MSI2: variants seen among roughly 807,000 people sequenced by gnomAD.
The protein encoded by MSI2 is musashi RNA binding protein 2.
MSI2 carries 17 observed loss-of-function variants against 45.6 expected under a neutral mutation model. That is an observed-to-expected ratio of 0.37 (90% CI 0.26 to 0.56). The LOEUF (loss-of-function observed/expected upper bound fraction) is 0.56, where lower values mean the gene tolerates loss of function less well. MSI2 is among the 20% of genes least tolerant of loss of function. MSI2 has a pLI of 0.77. For synonymous variants in MSI2, 156 were observed against 158.2 expected (o/e 0.99, Z 0.11); for missense variants, 293 against 444.2 (o/e 0.66, Z 3.06).
chr17:57,581,004 C>T (rs1246376912), intron 7 of MSI2, among the ~76,000 whole-genome samples: 90 of 66,486 alleles, frequency 1.4e-3, no homozygotes, highest in South Asian at 2.8e-3. Context: ...AGGTCAGCAT[C>T]TTTTTTTTTT....
intron 6 of MSI2, among the ~76,000 whole-genome samples, chr17:57,441,044 G>A (rs924886596): frequency 2.6e-5 from 4 of 152,160 alleles, no homozygotes; most frequent in Non-Finnish European, 5.9e-5. Context: ...GGACCTGGTC[G>A]TGCTGGAGAC....
chr17:57,605,531 A>G (rs1431779935), intron 8 of MSI2, among the ~76,000 whole-genome samples: 2 of 152,162 alleles, frequency 1.3e-5, no homozygotes, highest in Non-Finnish European at 2.9e-5. Flanking sequence ...CCCAGGGCGC[A>G]GGGTCATGAG....
chr17:57,408,421 G>A (rs1280862158), intron 6 of MSI2, among the ~76,000 whole-genome samples: 1 of 152,250 alleles, frequency 6.6e-6, no homozygotes, highest in African/African-American at 2.4e-5. Context: ...TTGCATAGTA[G>A]GTAGAGGAAC....
rs1484707162 is a variant in MSI2, at chr17:57,545,746, T to C, written c.454+16022T>C. Among the ~76,000 whole-genome samples the C allele has an allele frequency of 2.6e-5, 4 of 152,170 alleles. No individual in the cohort carries two copies. The East Asian group carries it at 7.7e-4, about 29-fold the overall frequency. On this transcript the variant is annotated intron_variant, in intron 7 of 13. Coordinates refer to ENST00000284073, the MANE Select transcript of MSI2 (RefSeq NM_138962.4). ...CCCATCTCTGTACTGACTGGTGCTTTTATTATTATTATGACGACTGGAGAA... is the reference window on the plus strand; with the variant it reads ...CCCATCTCTGTACTGACTGGTGCTTCTATTATTATTATGACGACTGGAGAA...
At chr17:57,567,018 A>G (rs1224795964) in intron 7 of MSI2, among the ~76,000 whole-genome samples, 1 of 152,166 alleles carries the variant, frequency 6.6e-6, no homozygotes, top group East Asian at 1.9e-4. Flanking sequence ...TTCTCCAAGG[A>G]TGCTTCCATG....
chr17:57,409,941 G>A (rs188458375), intron 6 of MSI2, among the ~76,000 whole-genome samples: 12 of 143,610 alleles, frequency 8.4e-5, no homozygotes, highest in African/African-American at 3.0e-4. Flanking sequence ...CCAGGAGGTG[G>A]AGGTTGCAGT....
intron 6 of MSI2, among the ~76,000 whole-genome samples, chr17:57,496,699 C>T (rs1409420588): frequency 6.6e-6 from 1 of 152,218 alleles, no homozygotes; most frequent in African/African-American, 2.4e-5. Flanking sequence ...CATTCATTCT[C>T]CTCCCAGGCT....
chr17:57,395,181 C>T (rs2083867194), intron 5 of MSI2, among the ~76,000 whole-genome samples: 1 of 152,322 alleles, frequency 6.6e-6, no homozygotes, highest in African/African-American at 2.4e-5. Flanking sequence ...TAGAAGGACA[C>T]CCGTTACTGG....
intron 6 of MSI2, among the ~76,000 whole-genome samples, chr17:57,463,023 G>T (rs1044698287): frequency 5.9e-5 from 9 of 152,226 alleles, no homozygotes; most frequent in African/African-American, 2.2e-4. Flanking sequence ...CAGGTCTCAG[G>T]ATTAAGGAGC....
chr17:57,495,180 C>T (rs2085951201), intron 6 of MSI2, among the ~76,000 whole-genome samples: 1 of 152,054 alleles, frequency 6.6e-6, no homozygotes, highest in South Asian at 2.1e-4. Context: ...CCAAGGTTAC[C>T]CACTGAGTTA....
intron 5 of MSI2, among the ~76,000 whole-genome samples, chr17:57,376,414 TCCACTTGGAC>T (rs2083497870): frequency 6.6e-6 from 1 of 152,210 alleles, no homozygotes; most frequent in Non-Finnish European, 1.5e-5. Flanking sequence ...CAAGCTGGTG[TCCACTTGGAC>T]TTGGTTTTCA....
intron 6 of MSI2, among the ~76,000 whole-genome samples, chr17:57,502,009 G>T (rs969486474): frequency 6.6e-6 from 1 of 152,136 alleles, no homozygotes; most frequent in Non-Finnish European, 1.5e-5. Context: ...GAGGGTCCTG[G>T]GTTTCAAGAG....
At chr17:57,423,933 C>T (rs1008626847) in intron 6 of MSI2, among the ~76,000 whole-genome samples, 1 of 152,168 alleles carries the variant, frequency 6.6e-6, no homozygotes, top group African/African-American at 2.4e-5. Context: ...AATATGTGCT[C>T]TTGTGAAAGC....
chr17:57,279,937 G>A (rs1349375620), intron 5 of MSI2: 3 of 152,074 alleles, frequency 2.0e-5, no homozygotes, highest in African/African-American at 7.3e-5. Flanking sequence ...GTGAGCCACA[G>A]TGCCTGGCCT....
At chr17:57,622,331 T>G (rs1908380867) in intron 9 of MSI2, among the ~76,000 whole-genome samples, 1 of 152,272 alleles carries the variant, frequency 6.6e-6, no homozygotes, top group Admixed American at 6.5e-5. Flanking sequence ...GAAGGTGAAC[T>G]TAATAAAAGC....
intron 9 of MSI2, among the ~76,000 whole-genome samples, chr17:57,619,685 C>T (rs1455179026): frequency 6.6e-6 from 1 of 152,126 alleles, no homozygotes; most frequent in Non-Finnish European, 1.5e-5. Context: ...GTGGCCCCTT[C>T]CTGAGAGCAC....
intron 5 of MSI2, among the ~76,000 whole-genome samples, chr17:57,362,529 G>T (rs1434961446): frequency 6.6e-6 from 1 of 152,136 alleles, no homozygotes; most frequent in Non-Finnish European, 1.5e-5. Context: ...CTGTTGTAAT[G>T]ATCCGTCAAC....
intron 6 of MSI2, among the ~76,000 whole-genome samples, chr17:57,494,121 T>C (rs77230228): frequency 0.063 from 9,645 of 152,214 alleles, 477 homozygotes; most frequent in African/African-American, 0.13. Context: ...ATGATACCCC[T>C]TTTCACAGGT....
chr17:57,387,754 A>G (rs1289665497), intron 5 of MSI2, among the ~76,000 whole-genome samples: 1 of 152,198 alleles, frequency 6.6e-6, no homozygotes, highest in Non-Finnish European at 1.5e-5. Flanking sequence ...TGTTTAGCCT[A>G]TAAAACAGGC....
Sources: gnomAD v4.1 joint callset for allele counts (sites outside exome capture counted in the v4.1 genomes callset) on GRCh38, gnomAD v4.1.1 for gene constraint, MANE v1.5 for transcripts, NCBI Gene and HGNC (gene_info 2026-07-23, HGNC 2026-07-21) for gene names.